PCDHGB3: variants seen among roughly 807,000 people sequenced by gnomAD.
PCDHGB3 encodes the protein protocadherin gamma-B3.
A neutral mutation model predicts 59.2 loss-of-function variants in PCDHGB3; 40 were observed. The ratio of observed to expected loss-of-function variants is 0.68; its 90% CI spans 0.52 to 0.88. The LOEUF (loss-of-function observed/expected upper bound fraction) is 0.88, where lower values mean the gene tolerates loss of function less well. PCDHGB3 is among the 40% of genes least tolerant of loss of function. The probability of loss-of-function intolerance (pLI) is 0.00; values close to 1 mark genes in which losing one functional copy is unlikely to be tolerated. For missense variants in PCDHGB3, 1,309 were observed against 1,187.9 expected (o/e 1.10, Z -1.50); for synonymous variants, 581 against 503.6 (o/e 1.15, Z -2.06).
chr5:141,375,971 C>G (rs1412854322), intron 1 of PCDHGB3: 1 of 1,613,374 alleles, frequency 6.2e-7, no homozygotes, highest in Non-Finnish European at 8.5e-7. Context: ...GCGCACGGCG[C>G]GCGCCCTGCT....
chr5:141,423,268 T>G (rs752667215), intron 1 of PCDHGB3: 1 of 1,613,552 alleles, frequency 6.2e-7, no homozygotes, highest in South Asian at 1.1e-5. Flanking sequence ...CAGCCTCGAG[T>G]CTCTGGCTAA....
At chr5:141,395,169 G>A in intron 1 of PCDHGB3, 3 of 1,614,020 alleles carry the variant, frequency 1.9e-6, no homozygotes, top group Non-Finnish European at 2.5e-6. Flanking sequence ...GGAGGGCTGT[G>A]AGAAAAATGA....
At chr5:141,398,375 A>C in intron 1 of PCDHGB3, 2 of 1,437,542 alleles carry the variant, frequency 1.4e-6, no homozygotes, top group East Asian at 4.7e-5. Flanking sequence ...GAGAGCGGGG[A>C]GTTGCTTGTG....
intron 1 of PCDHGB3, among the ~76,000 whole-genome samples, chr5:141,463,570 T>A (rs557041487): frequency 2.7e-5 from 4 of 146,586 alleles, no homozygotes; most frequent in Middle Eastern, 3.5e-3. Context: ...TGCCTCAGCC[T>A]CCCGAGTAGC....
chr5:141,431,622 C>T lies in PCDHGB3; in HGVS notation c.2415+58813C>T, dbSNP rs761448407. 3 of 1,614,070 alleles carry T rather than the reference C, an allele frequency of 1.9e-6. No individual in the cohort carries two copies. The African/African-American group carries it at 4.0e-5, about 22-fold the overall frequency. ...TCCTTCCGGTATGTGGACGACAAGGCGGCCCAAGTTTTCAAACTAGATTGT... is the reference window on the plus strand; with the variant it reads ...TCCTTCCGGTATGTGGACGACAAGGTGGCCCAAGTTTTCAAACTAGATTGT... On this transcript the variant is annotated intron_variant, in intron 1 of 3. Transcript: ENST00000576222. The surrounding 1 kb of genome is among the most constrained non-coding windows in gnomAD (Gnocchi z 4.8).
At chr5:141,404,807 G>A (rs1226563047) in intron 1 of PCDHGB3, 1 of 1,613,924 alleles carries the variant, frequency 6.2e-7, no homozygotes, top group Non-Finnish European at 8.5e-7. Flanking sequence ...GCTCTTCTCG[G>A]TGGGGCTGCA....
chr5:141,403,388 G>A (rs1376620471), intron 1 of PCDHGB3: 1 of 1,613,904 alleles, frequency 6.2e-7, no homozygotes, highest in African/African-American at 1.3e-5. Context: ...TAACGAAATC[G>A]CGGTTCCTGG....
intron 1 of PCDHGB3, chr5:141,427,630 T>C (rs1043983899): frequency 2.8e-6 from 2 of 702,530 alleles, no homozygotes; most frequent in African/African-American, 1.7e-5. Context: ...AATGCTCCGG[T>C]TTTCCACCAA....
rs76825883 is a variant in PCDHGB3, at chr5:141,433,317, C to T, written c.2415+60508C>T. The T allele has an allele frequency of 1.4e-3, 1,163 of 830,944 alleles. 6 individuals are homozygous for T. In the African/African-American group the frequency reaches 0.015, roughly 11 times the overall value. 51.5% of individuals were successfully genotyped at this position (830,944 alleles called of 1,614,324 possible). A position where few individuals can be genotyped will look rare whatever the true frequency, so the allele number is the denominator to read the frequency against. On this transcript the variant is annotated intron_variant, in intron 1 of 3. Transcript: ENST00000576222. ...CAAGCAATTATCCCACCTTTGCCTC[C>T]GGTGTAACAGGGACTACAGGTGCAA... is the stretch of plus-strand genomic sequence containing the variant.
chr5:141,398,900 G>C (rs765284630), intron 1 of PCDHGB3: 1 of 1,613,964 alleles, frequency 6.2e-7, no homozygotes, highest in South Asian at 1.1e-5. Context: ...GTGCCACCAG[G>C]CACCACTGTG....
intron 1 of PCDHGB3, chr5:141,379,714 A>G (rs1315727028): frequency 6.6e-6 from 1 of 152,154 alleles, no homozygotes; most frequent in African/African-American, 2.4e-5. Flanking sequence ...CCTGGCAGTC[A>G]TGGAATTTGC....
chr5:141,397,602 G>T (rs2150712888), intron 1 of PCDHGB3, among the ~76,000 whole-genome samples: 1 of 152,296 alleles, frequency 6.6e-6, no homozygotes, highest in African/African-American at 2.4e-5. Flanking sequence ...TATTGCCAGT[G>T]ACAAGGGCAA....
At chr5:141,474,893 T>C (rs1406276730) in intron 1 of PCDHGB3, among the ~76,000 whole-genome samples, 1 of 152,256 alleles carries the variant, frequency 6.6e-6, no homozygotes, top group East Asian at 1.9e-4. Flanking sequence ...TAGAGGTTCA[T>C]TTCTTGTTCA....
chr5:141,403,074 A>T (rs777613681), intron 1 of PCDHGB3: 1 of 1,614,088 alleles, frequency 6.2e-7, no homozygotes, highest in South Asian at 1.1e-5. Context: ...GAGACAGAAA[A>T]GGGCTATATT....
intron 1 of PCDHGB3, chr5:141,428,481 C>T (rs2097141995): frequency 3.0e-6 from 1 of 331,008 alleles, no homozygotes; most frequent in Non-Finnish European, 5.8e-6. Flanking sequence ...TGCTTTATTC[C>T]TGCAATCTGT....
At chr5:141,375,990 A>T (rs1451403518) in intron 1 of PCDHGB3, 1 of 1,613,398 alleles carries the variant, frequency 6.2e-7, no homozygotes, top group African/African-American at 1.3e-5. Flanking sequence ...CTGGACAGAG[A>T]CGCGCTCAAG....
intron 1 of PCDHGB3, among the ~76,000 whole-genome samples, chr5:141,457,029 C>G (rs2098904194): frequency 6.6e-6 from 1 of 152,170 alleles, no homozygotes; most frequent in Non-Finnish European, 1.5e-5. Flanking sequence ...TCCTAGTAGA[C>G]TCAGTGATAG....
intron 1 of PCDHGB3, chr5:141,428,404 T>A (rs375988962): frequency 2.3e-5 from 11 of 476,688 alleles, no homozygotes; most frequent in East Asian, 2.1e-4. Flanking sequence ...TGCCTGGGGT[T>A]GCTTTCACCC....
chr5:141,488,915 G>A (rs942297924), intron 1 of PCDHGB3, among the ~76,000 whole-genome samples: 12 of 152,180 alleles, frequency 7.9e-5, no homozygotes, highest in Non-Finnish European at 2.9e-5. Flanking sequence ...TGTTCCCAAG[G>A]TTTCCAGGAT....
Sources: allele counts gnomAD v4.1 joint callset (sites outside exome capture counted in the v4.1 genomes callset), GRCh38; gene constraint gnomAD v4.1.1; non-coding constraint Gnocchi (gnomAD v3.1); transcripts MANE v1.5; gene names NCBI Gene and HGNC (gene_info 2026-07-23, HGNC 2026-07-21).